Variants in INO80D observed in about 807,000 individuals in gnomAD.
The protein encoded by INO80D is INO80 complex subunit D.
Under a neutral mutation model 87.6 loss-of-function variants are expected in INO80D, and 21 were observed. That is an observed-to-expected ratio of 0.24 (90% CI 0.17 to 0.35). INO80D has a LOEUF of 0.35. INO80D is among the 10% of genes least tolerant of loss of function. The probability of loss-of-function intolerance (pLI) is 1.00; values close to 1 mark genes in which losing one functional copy is unlikely to be tolerated. For missense variants in INO80D, 982 were observed against 1,280.7 expected (o/e 0.77, Z 3.56); for synonymous variants, 440 against 491.0 (o/e 0.90, Z 1.37).
At chr2:206,012,032 G>A (rs552751057) in intron 8 of INO80D, among the ~76,000 whole-genome samples, 32 of 152,338 alleles carry the variant, frequency 2.1e-4, no homozygotes, top group African/African-American at 6.7e-4. Context: ...AAGTGTGGTG[G>A]CTCATGCCTA....
rs202185970 is a variant in INO80D at position 206,056,825 on chromosome 2, G to C, written c.337C>G (p.Leu113Val). ...RHQMDTMAFS[L>V]TVPTLALKMP... is the part of the protein sequence containing the mutation. Reference sequence around the variant, plus strand: ...TTCAAGGCCAACGTGGGCACTGTCAGGCTAAAGGCCATGGTATCCATCTGG... The same window carrying C: ...TTCAAGGCCAACGTGGGCACTGTCACGCTAAAGGCCATGGTATCCATCTGG... The change falls in exon 4 of 11, where the codon CTG becomes GTG. Residue 113 changes from leucine (L) to valine (V), a missense_variant. Physicochemically the swap from Leu to Val is conservative, Grantham distance 32. Transcript: ENST00000403263. The C allele has an allele frequency of 7.4e-6, 12 of 1,612,218 alleles. No homozygotes were observed. The Admixed American group carries it at 1.3e-4, about 18-fold the overall frequency.
chr2:206,059,188 C>T (rs1285183396), intron 3 of INO80D, among the ~76,000 whole-genome samples: 1 of 152,084 alleles, frequency 6.6e-6, no homozygotes, highest in Admixed American at 6.6e-5. Flanking sequence ...TGAGACCAGC[C>T]TGGCCAACGT....
chr2:206,024,321 G>A (rs952650282), intron 6 of INO80D, among the ~76,000 whole-genome samples: 4 of 152,108 alleles, frequency 2.6e-5, no homozygotes, highest in Admixed American at 2.0e-4. Flanking sequence ...ATGAAACAGA[G>A]TACAGAGCAC....
intron 8 of INO80D, among the ~76,000 whole-genome samples, chr2:206,014,219 T>C (rs1318226386): frequency 6.6e-6 from 1 of 152,198 alleles, no homozygotes; most frequent in African/African-American, 2.4e-5. Flanking sequence ...GGAAAATAAT[T>C]ATTCAACATT....
chr2:206,060,804 C>G (rs1689669579), intron 3 of INO80D, among the ~76,000 whole-genome samples: 1 of 152,056 alleles, frequency 6.6e-6, no homozygotes, highest in Non-Finnish European at 1.5e-5. Context: ...AGGTGATCCA[C>G]CCACCTCGGC....
At chr2:206,052,223 T>C (rs758452439) in intron 4 of INO80D, among the ~76,000 whole-genome samples, 25 of 152,188 alleles carry the variant, frequency 1.6e-4, no homozygotes, top group Non-Finnish European at 3.2e-4. Flanking sequence ...AGTCTCACTC[T>C]GTAGCCCAGG....
chr2:206,047,855 A>T (rs951279909), intron 4 of INO80D, among the ~76,000 whole-genome samples: 1 of 70,964 alleles, frequency 1.4e-5, no homozygotes, highest in Non-Finnish European at 3.8e-5. Flanking sequence ...GATTTCTTTC[A>T]ATTTTTTTTT....
chr2:206,018,915 C>T (rs1318689733), intron 7 of INO80D, among the ~76,000 whole-genome samples: 1 of 152,160 alleles, frequency 6.6e-6, no homozygotes, highest in African/African-American at 2.4e-5. Context: ...AACAAACAAA[C>T]ATGAGCTTTA....
rs531930939 is a variant in INO80D, at chr2:206,062,471, G to A, written c.218+328C>T. Among the ~76,000 whole-genome samples, 20 of 151,944 alleles carry A rather than the reference G, an allele frequency of 1.3e-4. No homozygotes were observed. Among genetic ancestry groups the A allele is most frequent in the South Asian group, 1.2e-3 (6 of 4,820 alleles). Reference sequence around the variant, plus strand: ...ATAAGGCCATAAACCAAACAAATCCGTTTCAAGACTTCAAGCAGCAACTTT... The same window carrying A: ...ATAAGGCCATAAACCAAACAAATCCATTTCAAGACTTCAAGCAGCAACTTT... On this transcript the variant is annotated intron_variant, in intron 3 of 10. Transcript: ENST00000403263. This position sits in a 1 kb window ranked among gnomAD's most constrained non-coding sequence, Gnocchi z 4.6.
intron 4 of INO80D, 109 bp downstream of exon 4, chr2:206,056,089 G>A: frequency 1.8e-6 from 2 of 1,094,370 alleles, no homozygotes; most frequent in Non-Finnish European, 2.6e-6. Context: ...CTGCCTCATT[G>A]TGATTCCACC....
rs1687796311 is a variant in INO80D at position 205,995,672 on chromosome 2, GCT to G, written c.*8694_*8695del. 1 of 152,090 alleles carries G rather than the reference GCT, an allele frequency of 6.6e-6. No homozygotes were observed. The highest frequency in any genetic ancestry group is 2.4e-5 in the African/African-American group (1 of 41,426). The allele number at this position is 152,090 out of a possible 1,614,324, so 9.4% of individuals were successfully genotyped here. A position where few individuals can be genotyped will look rare whatever the true frequency, so the allele number is the denominator to read the frequency against. On this transcript the variant is annotated 3_prime_UTR_variant, in exon 11 of 11. Coordinates refer to ENST00000403263, the MANE Select transcript of INO80D (RefSeq NM_017759.5). ...TACATACGAAAGCATATGTACACATGCTCTGACATGTATATATACACTTTTGT... is the reference window on the plus strand; with the variant it reads ...TACATACGAAAGCATATGTACACATGCTGACATGTATATATACACTTTTGT...
chr2:206,043,827 A>G (rs1390150120), intron 5 of INO80D, among the ~76,000 whole-genome samples: 1 of 152,130 alleles, frequency 6.6e-6, no homozygotes, highest in Non-Finnish European at 1.5e-5. Flanking sequence ...TTTCTACTAC[A>G]CTGAAACACA....
At chr2:206,032,112 G>C (rs1408125698) in intron 5 of INO80D, among the ~76,000 whole-genome samples, 2 of 152,160 alleles carry the variant, frequency 1.3e-5, no homozygotes, top group African/African-American at 4.8e-5. Flanking sequence ...CAGAGGCATG[G>C]GGAAAATGCC....
chr2:206,067,093 C>CA (rs35198638), intron 1 of INO80D, among the ~76,000 whole-genome samples: 101,081 of 151,450 alleles, frequency 0.67, 34,311 homozygotes, highest in African/African-American at 0.77. Flanking sequence ...ACTAAAAATA[C>CA]AAAAGTAGCC....
chr2:206,024,407 T>C (rs779401626), intron 6 of INO80D, among the ~76,000 whole-genome samples: 1 of 152,022 alleles, frequency 6.6e-6, no homozygotes, highest in Non-Finnish European at 1.5e-5. Flanking sequence ...CATAAGTCTC[T>C]GAGTAAGCTG....
rs375200436 is a variant in INO80D at position 206,019,776 on chromosome 2, G to A, written c.1368C>T (p.Cys456=). The change falls in exon 7 of 11, where the codon TGC becomes TGT. Residue 456 remains cysteine (C), a synonymous_variant. Transcript: ENST00000403263. The part of the protein sequence containing the change: ...ACSGTVKGEQ[C]ANKALPFTRH... ...TGGTGAATGGAAGGGCTTTGTTAGC[G>A]CACTGTTCACCCTTCACGGTTCCAC... The A allele has an allele frequency of 6.6e-5, 107 of 1,613,740 alleles. No individual in the cohort carries two copies. The African/African-American group carries it at 1.1e-3, about 16-fold the overall frequency.
chr2:206,078,684 C>T (rs915235463), intron 1 of INO80D, among the ~76,000 whole-genome samples: 4 of 152,008 alleles, frequency 2.6e-5, no homozygotes, highest in African/African-American at 7.2e-5. Flanking sequence ...CGGTGGCTCA[C>T]GCCTGTAATC....
At chr2:206,077,566 T>A (rs879755678) in intron 1 of INO80D, among the ~76,000 whole-genome samples, 1 of 152,222 alleles carries the variant, frequency 6.6e-6, no homozygotes, top group Non-Finnish European at 1.5e-5. Flanking sequence ...GAATGAGCAC[T>A]GTTTGACTGA....
chr2:206,034,719 A>G (rs1004487193), intron 5 of INO80D, among the ~76,000 whole-genome samples: 1 of 152,152 alleles, frequency 6.6e-6, no homozygotes, highest in Non-Finnish European at 1.5e-5. Context: ...CTCCTCTTCA[A>G]CATAGTACTG....
Sources: gnomAD v4.1 joint callset for allele counts (sites outside exome capture counted in the v4.1 genomes callset) on GRCh38, gnomAD v4.1.1 for gene constraint, Gnocchi (gnomAD v3.1) non-coding constraint, MANE v1.5 for transcripts, NCBI Gene and HGNC (gene_info 2026-07-23, HGNC 2026-07-21) for gene names.